The following ZBTB20 variants were observed in gnomAD, a reference collection of about 807,000 sequenced individuals.
ZBTB20 encodes the protein zinc finger and BTB domain containing 20, also known as zinc finger and BTB domain-containing protein 20.
In ZBTB20, 9 loss-of-function variants were observed where a neutral mutation model predicts 56.9. The observed-to-expected ratio is 0.16, with a 90% confidence interval of 0.10 to 0.28. The LOEUF is 0.28. Among genes scored for constraint, ZBTB20 ranks in the 10% least tolerant of loss-of-function variants. The pLI is 1.00. For missense variants in ZBTB20, 655 were observed against 1,003.0 expected (o/e 0.65, Z 4.69); for synonymous variants, 417 against 420.7 (o/e 0.99, Z 0.11).
chr3:114,617,200 A>G (rs756099461), intron 6 of ZBTB20, among the ~76,000 whole-genome samples: 1 of 152,224 alleles, frequency 6.6e-6, no homozygotes, highest in Non-Finnish European at 1.5e-5. Context: ...ACTTCTTTGC[A>G]TGGCAATCAG....
At chr3:115,047,639 T>C (rs1301768485) in intron 2 of ZBTB20, among the ~76,000 whole-genome samples, 1 of 152,204 alleles carries the variant, frequency 6.6e-6, no homozygotes, top group Non-Finnish European at 1.5e-5. Context: ...ATGCAAAATT[T>C]AATAAATGTA....
intron 1 of ZBTB20, among the ~76,000 whole-genome samples, chr3:115,131,325 T>C (rs2084499393): frequency 6.6e-6 from 1 of 152,166 alleles, no homozygotes; most frequent in Non-Finnish European, 1.5e-5. Flanking sequence ...ATATACATAT[T>C]CAAGGATCTT....
At chr3:114,487,564 T>C (rs888251283) in intron 7 of ZBTB20, among the ~76,000 whole-genome samples, 2 of 152,194 alleles carry the variant, frequency 1.3e-5, no homozygotes, top group Non-Finnish European at 2.9e-5. Flanking sequence ...AATGAACTTC[T>C]GTGGTCAAGG....
intron 5 of ZBTB20, among the ~76,000 whole-genome samples, chr3:114,759,549 AC>A (rs1002046352): frequency 6.6e-6 from 1 of 152,140 alleles, no homozygotes; most frequent in African/African-American, 2.4e-5. Flanking sequence ...GCAAAAGTTT[AC>A]TGCAGGGTGA....
intron 5 of ZBTB20, among the ~76,000 whole-genome samples, chr3:114,800,666 G>C (rs1241288690): frequency 6.6e-6 from 1 of 151,428 alleles, no homozygotes; most frequent in African/African-American, 2.4e-5. Context: ...TGACACAAAG[G>C]CTAAAAATTT....
chr3:114,576,378 T>C (rs1313884231), intron 6 of ZBTB20, among the ~76,000 whole-genome samples: 2 of 150,848 alleles, frequency 1.3e-5, no homozygotes, highest in African/African-American at 4.9e-5. Context: ...GGCGGGCGCC[T>C]GTAGTCCCAG....
chr3:114,385,850 G>GA (rs1346374671), intron 8 of ZBTB20, among the ~76,000 whole-genome samples: 1 of 152,078 alleles, frequency 6.6e-6, no homozygotes, highest in East Asian at 1.9e-4. Context: ...CCTGGAGCAA[G>GA]AAAAAAACAA....
In ZBTB20 at chr3:114,487,982, T is replaced by C. The variant is rs146619559; in HGVS notation, c.-255+12370A>G. On this transcript the variant is annotated intron_variant, in intron 7 of 11. Coordinates refer to ENST00000675478, the MANE Select transcript of ZBTB20 (RefSeq NM_001348800.3). Reference sequence around the variant, plus strand: ...AGGCAATGTTGCCAGTGTGTATTTTTCCCTTCCCAATAATTTACTGATTCT... The same window carrying C: ...AGGCAATGTTGCCAGTGTGTATTTTCCCCTTCCCAATAATTTACTGATTCT... 1.9e-3 allele frequency among the ~76,000 whole-genome samples: 289 copies of C among 152,312 alleles called. 3 individuals carry two copies. The East Asian group carries it at 0.021, about 11-fold the overall frequency.
At chr3:114,585,981 G>A (rs1358189258) in intron 6 of ZBTB20, among the ~76,000 whole-genome samples, 1 of 152,156 alleles carries the variant, frequency 6.6e-6, no homozygotes, top group African/African-American at 2.4e-5. Context: ...CTTTCCATCG[G>A]GCTCTGTGAA....
chr3:114,828,730 A>G (rs996433280), intron 4 of ZBTB20, among the ~76,000 whole-genome samples: 1 of 151,908 alleles, frequency 6.6e-6, no homozygotes, highest in Non-Finnish European at 1.5e-5. Context: ...CAATAGTTTT[A>G]GCATCTTTAG....
intron 5 of ZBTB20, among the ~76,000 whole-genome samples, chr3:114,702,648 T>C (rs1407820026): frequency 6.6e-6 from 1 of 151,620 alleles, no homozygotes; most frequent in African/African-American, 2.4e-5. Context: ...AAATGGGACA[T>C]AGTGCTTTAG....
chr3:114,597,704 C>G (rs2056432799), intron 6 of ZBTB20, among the ~76,000 whole-genome samples: 2 of 152,144 alleles, frequency 1.3e-5, no homozygotes, highest in Admixed American at 6.6e-5. Flanking sequence ...TGCCTTTTTA[C>G]TAGCATCACA....
At chr3:114,597,349 T>C (rs1471691344) in intron 6 of ZBTB20, among the ~76,000 whole-genome samples, 1 of 152,130 alleles carries the variant, frequency 6.6e-6, no homozygotes, top group East Asian at 1.9e-4. Context: ...AAGTGAGCCA[T>C]GGTTATAACT....
chr3:114,394,501 C>T (rs150109732), intron 7 of ZBTB20, among the ~76,000 whole-genome samples: 1 of 152,320 alleles, frequency 6.6e-6, no homozygotes, highest in East Asian at 1.9e-4. Context: ...ATTTCAGAAA[C>T]TGCCAATAAG....
At position 114,324,737 on chromosome 3, in the gene ZBTB20, A is replaced by G. The variant is rs2079007826; in HGVS notation, c.*14268T>C. 6.6e-6 allele frequency: 1 copy of G among 152,172 alleles called. No individual in the cohort carries two copies. Among genetic ancestry groups the G allele is most frequent in the Non-Finnish European group, 1.5e-5 (1 of 68,020 alleles). The allele number at this position is 152,172 out of a possible 1,614,324, so 9.4% of individuals were successfully genotyped here. ...ACATTCATAGTAGGATTTCTTAAGGAGCTTACTTCTTTCTAAAGATTAGTC... is the reference window on the plus strand; with the variant it reads ...ACATTCATAGTAGGATTTCTTAAGGGGCTTACTTCTTTCTAAAGATTAGTC... On this transcript the variant is annotated 3_prime_UTR_variant, in exon 12 of 12. Coordinates refer to ENST00000675478, the MANE Select transcript of ZBTB20 (RefSeq NM_001348800.3).
intron 2 of ZBTB20, among the ~76,000 whole-genome samples, chr3:114,991,279 G>T (rs2078797105): frequency 6.6e-6 from 1 of 152,140 alleles, no homozygotes; most frequent in Non-Finnish European, 1.5e-5. Context: ...TTCTTTGAAT[G>T]TGTCCCAGAG....
chr3:114,761,823 G>A (rs1337732008), intron 5 of ZBTB20, among the ~76,000 whole-genome samples: 1 of 148,084 alleles, frequency 6.8e-6, no homozygotes, highest in Non-Finnish European at 1.5e-5. Context: ...GACAGAGCCA[G>A]ACTCCATCTC....
At chr3:115,061,533 A>C (rs887124180) in intron 2 of ZBTB20, among the ~76,000 whole-genome samples, 1 of 152,170 alleles carries the variant, frequency 6.6e-6, no homozygotes, top group South Asian at 2.1e-4. Flanking sequence ...TTTGAAGATT[A>C]TTCTTCTTGG....
At chr3:115,107,040 T>C (rs2083743133) in intron 1 of ZBTB20, among the ~76,000 whole-genome samples, 1 of 152,186 alleles carries the variant, frequency 6.6e-6, no homozygotes, top group African/African-American at 2.4e-5. Flanking sequence ...TTGTCACATA[T>C]TAAACACATC....
Sources: gnomAD v4.1 joint callset for allele counts (sites outside exome capture counted in the v4.1 genomes callset) on GRCh38, gnomAD v4.1.1 for gene constraint, MANE v1.5 for transcripts, NCBI Gene and HGNC (gene_info 2026-07-23, HGNC 2026-07-21) for gene names.